INPP4B: variants seen among roughly 807,000 people sequenced by gnomAD.
The protein encoded by INPP4B is inositol polyphosphate 4-phosphatase type II.
In INPP4B, 55 loss-of-function variants were observed where a neutral mutation model predicts 122.5. The observed-to-expected ratio is 0.45, with a 90% confidence interval of 0.36 to 0.56. The LOEUF (loss-of-function observed/expected upper bound fraction) is 0.56. INPP4B is among the 20% of genes least tolerant of loss of function. The pLI, the probability that INPP4B is intolerant of heterozygous loss-of-function variation, is 0.00. For missense variants in INPP4B, 1,000 were observed against 1,097.7 expected (o/e 0.91, Z 1.26); for synonymous variants, 403 against 388.7 (o/e 1.04, Z -0.43).
chr4:142,041,561 T>C (rs570365832), intron 25 of INPP4B, among the ~76,000 whole-genome samples: 84 of 152,172 alleles, frequency 5.5e-4, no homozygotes, highest in African/African-American at 1.9e-3. Flanking sequence ...GAGGTTGCAG[T>C]GAGCCGAGAT....
chr4:142,605,953 T>C (rs1188108309), intron 2 of INPP4B, among the ~76,000 whole-genome samples: 1 of 152,068 alleles, frequency 6.6e-6, no homozygotes, highest in African/African-American at 2.4e-5. Context: ...TACATGTTTA[T>C]TGCAGTACTA....
intron 2 of INPP4B, among the ~76,000 whole-genome samples, chr4:142,502,086 T>C (rs1560729989): frequency 1.3e-5 from 2 of 152,214 alleles, no homozygotes; most frequent in South Asian, 4.1e-4. Flanking sequence ...ATTTGTCAGA[T>C]GTTTGGTTCC....
At chr4:142,641,524 G>GT (rs1012657955) in intron 2 of INPP4B, among the ~76,000 whole-genome samples, 3 of 151,480 alleles carry the variant, frequency 2.0e-5, no homozygotes, top group South Asian at 2.1e-4. Context: ...GCGGTGTTTG[G>GT]TTTTTTATCC....
chr4:142,649,537 A>C (rs765837843), intron 2 of INPP4B, among the ~76,000 whole-genome samples: 1 of 152,176 alleles, frequency 6.6e-6, no homozygotes, highest in Admixed American at 6.6e-5. Flanking sequence ...AATGGAGCTA[A>C]AAACCATGGC....
chr4:142,285,838 C>T (rs185906554), intron 9 of INPP4B, among the ~76,000 whole-genome samples: 53 of 152,126 alleles, frequency 3.5e-4, no homozygotes, highest in African/African-American at 1.3e-3. Context: ...CTTATGACGA[C>T]AATAAAGAAA....
chr4:142,728,982 G>C (rs904308101), intron 1 of INPP4B, among the ~76,000 whole-genome samples: 2 of 152,086 alleles, frequency 1.3e-5, no homozygotes, highest in African/African-American at 4.8e-5. Flanking sequence ...TTAATTGGTA[G>C]TCCTCAAACT....
intron 1 of INPP4B, among the ~76,000 whole-genome samples, chr4:142,829,575 GA>G (rs201273410): frequency 2.7e-5 from 4 of 149,862 alleles, no homozygotes; most frequent in East Asian, 2.0e-4. Flanking sequence ...ATCCTAACCA[GA>G]AAAAAAAAGA....
intron 19 of INPP4B, 35 bp downstream of exon 19, chr4:142,124,553 A>G: frequency 6.3e-7 from 1 of 1,575,214 alleles, no homozygotes; most frequent in African/African-American, 1.3e-5. Context: ...ACAATCCGGC[A>G]TTGTTTTGTA....
At chr4:142,102,214 C>T (rs1270405873) in intron 23 of INPP4B, among the ~76,000 whole-genome samples, 1 of 151,942 alleles carries the variant, frequency 6.6e-6, no homozygotes, top group African/African-American at 2.4e-5. Context: ...ATGGAAAATG[C>T]TAACTAAAAA....
At chr4:142,452,463 A>T (rs1199149252) in intron 3 of INPP4B, among the ~76,000 whole-genome samples, 2 of 152,176 alleles carry the variant, frequency 1.3e-5, no homozygotes, top group Non-Finnish European at 2.9e-5. Context: ...GCTTGATGGA[A>T]TCTCCATCTG....
At chr4:142,204,565 T>G (rs1841924835) in intron 14 of INPP4B, among the ~76,000 whole-genome samples, 2 of 152,246 alleles carry the variant, frequency 1.3e-5, no homozygotes, top group South Asian at 4.1e-4. Flanking sequence ...GAAAGATACC[T>G]CAGAATGTGA....
At chr4:142,784,908 G>A (rs1197129238) in intron 1 of INPP4B, among the ~76,000 whole-genome samples, 2 of 151,842 alleles carry the variant, frequency 1.3e-5, no homozygotes, top group South Asian at 2.1e-4. Flanking sequence ...CACTTACAGC[G>A]ATAACAAAAA....
chr4:142,464,007 T>G (rs948197507), intron 2 of INPP4B, among the ~76,000 whole-genome samples: 23 of 152,128 alleles, frequency 1.5e-4, no homozygotes, highest in African/African-American at 5.1e-4. Flanking sequence ...ACAACCACCC[T>G]ATAAGGGAGG....
chr4:142,165,777 A>C (rs1197259540), intron 16 of INPP4B, among the ~76,000 whole-genome samples: 1 of 151,768 alleles, frequency 6.6e-6, no homozygotes, highest in Non-Finnish European at 1.5e-5. Context: ...GTGTTTTTCA[A>C]GCTATGAAAC....
intron 23 of INPP4B, among the ~76,000 whole-genome samples, chr4:142,087,800 G>A (rs911266059): frequency 6.6e-6 from 1 of 152,168 alleles, no homozygotes; most frequent in Non-Finnish European, 1.5e-5. Context: ...CCAGAGGAGA[G>A]AGGAAGTATC....
chr4:142,059,837 C>T lies in INPP4B; in HGVS notation c.2642+22194G>A, dbSNP rs555996135. Among the ~76,000 whole-genome samples the T allele has an allele frequency of 3.3e-5, 5 of 152,234 alleles. No individual in the cohort carries two copies. In the South Asian group the frequency reaches 6.2e-4, roughly 19 times the overall value. On this transcript the variant is annotated intron_variant, in intron 25 of 25. Coordinates refer to ENST00000262992, the MANE Select transcript of INPP4B (RefSeq NM_001101669.3). ...TGACATGCCAGTTCACTTTCCAATTCTGTACTCTGGGTGGATCTTCTTGAA... is the reference window on the plus strand; with the variant it reads ...TGACATGCCAGTTCACTTTCCAATTTTGTACTCTGGGTGGATCTTCTTGAA...
At chr4:142,123,227 A>T in intron 20 of INPP4B, 65 bp downstream of exon 20, 1 of 1,342,908 alleles carries the variant, frequency 7.4e-7, no homozygotes, top group East Asian at 2.5e-5. Context: ...TTCTTGAAAA[A>T]TTTCTGGATT....
intron 7 of INPP4B, among the ~76,000 whole-genome samples, chr4:142,315,136 G>A (rs1337987268): frequency 1.3e-5 from 2 of 152,112 alleles, no homozygotes; most frequent in Admixed American, 1.3e-4. Context: ...ACAAAGAAAT[G>A]ATAAATGTTT....
In INPP4B at chr4:142,666,586, T is replaced by C. The variant is rs191577453; in HGVS notation, c.-191+59253A>G. Among the ~76,000 whole-genome samples the C allele has an allele frequency of 3.3e-3, 506 of 152,222 alleles. 5 individuals carry two copies. Among genetic ancestry groups the C allele is most frequent in the Non-Finnish European group, 6.0e-3 (405 of 68,022 alleles). On this transcript the variant is annotated intron_variant, in intron 2 of 25. Coordinates refer to ENST00000262992, the MANE Select transcript of INPP4B (RefSeq NM_001101669.3). The stretch of plus-strand genomic sequence containing the variant: ...AAGAACCCTACCAAATATTAGAATA[T>C]CTCAATATTTAGCTCTTGAAAATTA...
Sources: gnomAD v4.1 joint callset for allele counts (sites outside exome capture counted in the v4.1 genomes callset) on GRCh38, gnomAD v4.1.1 for gene constraint, MANE v1.5 for transcripts, NCBI Gene and HGNC (gene_info 2026-07-23, HGNC 2026-07-21) for gene names.